Variants in INTU observed in about 807,000 individuals in gnomAD.
INTU encodes protein inturned.
INTU carries 68 observed loss-of-function variants against 100.5 expected under a neutral mutation model. That is an observed-to-expected ratio of 0.68 (90% CI 0.56 to 0.83). The LOEUF (loss-of-function observed/expected upper bound fraction) is 0.83. Ranked by LOEUF, INTU falls within the 40% of genes least tolerant of loss-of-function variation. The pLI, the probability that INTU is intolerant of heterozygous loss-of-function variation, is 0.00. For synonymous variants in INTU, 357 were observed against 395.7 expected (o/e 0.90, Z 1.16); for missense variants, 1,071 against 1,114.7 (o/e 0.96, Z 0.56).
At chr4:127,634,138 G>C (rs1030870765) in intron 1 of INTU, among the ~76,000 whole-genome samples, 2 of 152,164 alleles carry the variant, frequency 1.3e-5, no homozygotes, top group Non-Finnish European at 2.9e-5. Context: ...TTTTATCATT[G>C]CCTTTAAAAG....
chr4:127,687,950 T>C, intron 8 of INTU, 83 bp downstream of exon 8: 1 of 977,056 alleles, frequency 1.0e-6, no homozygotes, highest in Non-Finnish European at 1.4e-6. Context: ...GTAGACTTTT[T>C]GTTATTTTTG....
Position 127,669,045 on chromosome 4 carries a change from C to A in INTU, c.982C>A (p.Leu328Ile). ...TTGTTTCATTTAACAGCAGGAAATT[C>A]TTTATCATTATCCAATGTCTGAAGC... is the stretch of plus-strand genomic sequence containing the variant. ...SETSKEEQEILYHYPMSEASQ... is the reference protein window; with the variant it reads ...SETSKEEQEIIYHYPMSEASQ... The change falls in exon 5 of 16, where the codon CTT (leucine) becomes ATT (isoleucine). Residue 328 changes from leucine to isoleucine, a missense_variant. By Grantham distance (5) the Leu-to-Ile change is conservative. Coordinates refer to ENST00000335251, the MANE Select transcript of INTU (RefSeq NM_015693.4). 6.9e-7 allele frequency: 1 copy of A among 1,450,892 alleles called. No individual in the cohort carries two copies. The highest frequency in any genetic ancestry group is 1.4e-5 in the African/African-American group (1 of 70,578). The allele number at this position is 1,450,892 out of a possible 1,614,324, so 89.9% of individuals were successfully genotyped here. A position where few individuals can be genotyped will look rare whatever the true frequency, so the allele number is the denominator to read the frequency against.
Position 127,708,656 on chromosome 4 carries a change from A to G in INTU, c.2357A>G (p.Tyr786Cys), listed in dbSNP as rs1319958782. The change falls in exon 13 of 16, where the codon TAT becomes TGT. Residue 786 changes from tyrosine to cysteine, a missense_variant. By Grantham distance (194) the Tyr-to-Cys change is radical. Transcript: ENST00000335251. The part of the protein sequence containing the change: ...KDLPEKELEI[Y>C]NTVKLTSGPE... ...CTTCCAGAAAAAGAATTAGAAATAT[A>G]TAACACAGTGAAGTAAGAAACTTTC... 6.5e-6 allele frequency: 10 copies of G among 1,536,702 alleles called. No homozygotes were observed. The highest frequency in any genetic ancestry group is 2.3e-5 in the South Asian group (2 of 87,062).
chr4:127,647,699 G>T (rs1480177941), intron 2 of INTU, among the ~76,000 whole-genome samples: 1 of 151,782 alleles, frequency 6.6e-6, no homozygotes, highest in Non-Finnish European at 1.5e-5. Context: ...TTCTTTTTGT[G>T]ATAGTAATAA....
intron 9 of INTU, among the ~76,000 whole-genome samples, 178 bp downstream of exon 9, chr4:127,700,241 A>T (rs1730590624): frequency 6.6e-6 from 1 of 152,176 alleles, no homozygotes; most frequent in Non-Finnish European, 1.5e-5. Flanking sequence ...GAGTTTAAAC[A>T]GTTGTTACAT....
At chr4:127,671,041 A>T (rs1560849511) in intron 5 of INTU, among the ~76,000 whole-genome samples, 1 of 152,136 alleles carries the variant, frequency 6.6e-6, no homozygotes, top group Non-Finnish European at 1.5e-5. Context: ...ACTCTTCTGG[A>T]CTTTGACCTA....
intron 9 of INTU, among the ~76,000 whole-genome samples, chr4:127,703,972 A>G (rs1349565973): frequency 6.6e-6 from 1 of 152,212 alleles, no homozygotes; most frequent in Non-Finnish European, 1.5e-5. Context: ...AATCCCTCAT[A>G]GAGTGACAGA....
At chr4:127,643,491 T>G in intron 1 of INTU, 30 bp from the exon 2 acceptor site, 6 of 1,541,008 alleles carry the variant, frequency 3.9e-6, no homozygotes, top group Non-Finnish European at 5.2e-6. Context: ...ATTGGGCTGC[T>G]ATTAAGATTA....
chr4:127,681,743 A>G (rs1179411203), intron 6 of INTU, among the ~76,000 whole-genome samples: 1 of 152,230 alleles, frequency 6.6e-6, no homozygotes, highest in Non-Finnish European at 1.5e-5. Context: ...AAAAGACAAA[A>G]TTGACAAATG....
intron 8 of INTU, among the ~76,000 whole-genome samples, chr4:127,695,895 T>C (rs1172179611): frequency 6.6e-6 from 1 of 152,188 alleles, no homozygotes; most frequent in Non-Finnish European, 1.5e-5. Flanking sequence ...AGAGTTTTTA[T>C]CATGAAGGGG....
chr4:127,723,470 TTTCGTTAATTTAACTATCCTAGTACA>T lies in INTU; in HGVS notation c.*7036_*7061del, dbSNP rs1731376222. ...AAGTACTTATTCCTTATCAGATACT[TTTCGTTAATTTAACTATCCTAGTACA>T]TACCTCACTGTGGGGAAAGGGGGAA... is the stretch of plus-strand genomic sequence containing the variant. On this transcript the variant is annotated 3_prime_UTR_variant, in exon 16 of 16. Coordinates refer to ENST00000335251, the MANE Select transcript of INTU (RefSeq NM_015693.4). 6.6e-6 allele frequency: 1 copy of T among 151,406 alleles called. No homozygotes were observed. The highest frequency in any genetic ancestry group is 2.4e-5 in the African/African-American group (1 of 41,132). 9.4% of individuals were successfully genotyped at this position (151,406 alleles called of 1,614,324 possible). A position where few individuals can be genotyped will look rare whatever the true frequency, so the allele number is the denominator to read the frequency against.
intron 8 of INTU, among the ~76,000 whole-genome samples, chr4:127,688,378 A>G (rs1578605640): frequency 6.6e-6 from 1 of 152,212 alleles, no homozygotes; most frequent in African/African-American, 2.4e-5. Context: ...AATTATCAAT[A>G]TGATTTTAGT....
chr4:127,666,020 T>C, intron 4 of INTU, among the ~76,000 whole-genome samples: 1 of 152,216 alleles, frequency 6.6e-6, no homozygotes, highest in East Asian at 1.9e-4. Context: ...AGAAGTCTAC[T>C]GTCAGTCTAT....
intron 2 of INTU, among the ~76,000 whole-genome samples, chr4:127,647,082 T>C (rs777870335): frequency 6.6e-5 from 10 of 152,198 alleles, no homozygotes; most frequent in Non-Finnish European, 1.5e-4. Flanking sequence ...TTTTCCTAAC[T>C]GACCTCCAGA....
chr4:127,699,854 A>G (rs938556107), intron 8 of INTU, among the ~76,000 whole-genome samples, 156 bp from the exon 9 acceptor site: 3 of 152,230 alleles, frequency 2.0e-5, no homozygotes, highest in African/African-American at 7.2e-5. Flanking sequence ...GCTTAAAAAC[A>G]ATATGTTCCA....
intron 9 of INTU, among the ~76,000 whole-genome samples, chr4:127,701,815 A>G (rs1730662766): frequency 6.6e-6 from 1 of 152,170 alleles, no homozygotes; most frequent in Non-Finnish European, 1.5e-5. Flanking sequence ...GGTAAAAGCC[A>G]TGAGGTGTGG....
chr4:127,686,339 C>G (rs1016304990), intron 7 of INTU: 2 of 152,282 alleles, frequency 1.3e-5, no homozygotes, highest in African/African-American at 4.8e-5. Flanking sequence ...ATTGCCCTGT[C>G]CAGCCACTGC....
chr4:127,677,236 T>C (rs1178892900), intron 6 of INTU, among the ~76,000 whole-genome samples: 1 of 152,170 alleles, frequency 6.6e-6, no homozygotes, highest in Non-Finnish European at 1.5e-5. Flanking sequence ...CTGACAGCTT[T>C]GAAGAGAGCA....
intron 15 of INTU, 47 bp from the exon 16 acceptor site, chr4:127,716,278 G>T: frequency 1.1e-6 from 1 of 886,668 alleles, no homozygotes; most frequent in Non-Finnish European, 1.7e-6. Context: ...AGTTTTTGTT[G>T]TTTGTTGTTT....
Sources: gnomAD v4.1 joint callset for allele counts (sites outside exome capture counted in the v4.1 genomes callset) on GRCh38, gnomAD v4.1.1 for gene constraint, MANE v1.5 for transcripts, NCBI Gene and HGNC (gene_info 2026-07-23, HGNC 2026-07-21) for gene names.